Variants in GJB7 observed in about 807,000 individuals in gnomAD.
GJB7 encodes gap junction beta-7 protein.
For missense variants in GJB7, 253 were observed against 256.8 expected (o/e 0.99, Z 0.10); for synonymous variants, 87 against 95.2 (o/e 0.91, Z 0.50).
intron 1 of GJB7, among the ~76,000 whole-genome samples, chr6:87,323,318 C>G (rs188940066): frequency 6.6e-6 from 1 of 152,096 alleles, no homozygotes; most frequent in African/African-American, 2.4e-5. Flanking sequence ...TACATGTGCA[C>G]AATGTGCAGG....
At chr6:87,314,689 A>T (rs547306918) in intron 2 of GJB7, among the ~76,000 whole-genome samples, 1 of 152,274 alleles carries the variant, frequency 6.6e-6, no homozygotes, top group East Asian at 1.9e-4. Context: ...TGCATTGGTT[A>T]CTTCACTTCA....
At chr6:87,294,782 C>G (rs1304991320) in intron 2 of GJB7, among the ~76,000 whole-genome samples, 2 of 152,196 alleles carry the variant, frequency 1.3e-5, no homozygotes, top group Non-Finnish European at 2.9e-5. Context: ...CCTGGAGAGG[C>G]AAGGTACGGG....
At chr6:87,297,326 A>G (rs2127901269) in intron 2 of GJB7, among the ~76,000 whole-genome samples, 1 of 152,336 alleles carries the variant, frequency 6.6e-6, no homozygotes, top group South Asian at 2.1e-4. Flanking sequence ...TAACCAAAGG[A>G]GCAGAGATCA....
intron 1 of GJB7, among the ~76,000 whole-genome samples, chr6:87,323,700 G>A (rs2127914037): frequency 6.6e-6 from 1 of 152,118 alleles, no homozygotes; most frequent in East Asian, 1.9e-4. Flanking sequence ...TTGGTTCCAG[G>A]TCTTTGCTAT....
At chr6:87,327,449 G>A (rs1776856443) in intron 1 of GJB7, among the ~76,000 whole-genome samples, 4 of 152,120 alleles carry the variant, frequency 2.6e-5, no homozygotes, top group Middle Eastern at 3.2e-3. Flanking sequence ...GGGCAGGCCT[G>A]CTGGTCACAA....
chr6:87,316,308 C>G (rs1362561582), intron 2 of GJB7, among the ~76,000 whole-genome samples: 2 of 152,210 alleles, frequency 1.3e-5, no homozygotes, highest in Admixed American at 1.3e-4. Flanking sequence ...TTGTCCTGCT[C>G]TAGTCCCCTC....
At chr6:87,303,376 C>G (rs1776366657) in intron 2 of GJB7, among the ~76,000 whole-genome samples, 1 of 152,140 alleles carries the variant, frequency 6.6e-6, no homozygotes, top group Non-Finnish European at 1.5e-5. Flanking sequence ...GGGTTACAAT[C>G]CTAGTCTCTG....
chr6:87,289,486 AT>A (rs1331003858), intron 2 of GJB7, among the ~76,000 whole-genome samples: 8 of 152,142 alleles, frequency 5.3e-5, no homozygotes, highest in Non-Finnish European at 8.8e-5. Context: ...CTGAGTAATA[AT>A]TTTTTTCATG....
At chr6:87,322,288 A>T (rs1486528523) in intron 2 of GJB7, 1 of 152,110 alleles carries the variant, frequency 6.6e-6, no homozygotes, top group Non-Finnish European at 1.5e-5. Context: ...TGAAATAAAC[A>T]TACTTCTAGG....
intron 2 of GJB7, 75 bp from the exon 3 acceptor site, chr6:87,285,014 T>C: frequency 1.1e-6 from 1 of 942,346 alleles, no homozygotes; most frequent in Non-Finnish European, 1.6e-6. Context: ...TGAGGGATTA[T>C]GTAAGATAAA....
chr6:87,301,105 A>T (rs1170176454), intron 2 of GJB7, among the ~76,000 whole-genome samples: 1 of 152,208 alleles, frequency 6.6e-6, no homozygotes, highest in Non-Finnish European at 1.5e-5. Flanking sequence ...AGCATGAGCG[A>T]CAGAGAAGAC....
intron 2 of GJB7, among the ~76,000 whole-genome samples, chr6:87,288,415 T>A (rs1310709668): frequency 6.6e-6 from 1 of 152,212 alleles, no homozygotes; most frequent in East Asian, 1.9e-4. Context: ...TCTGGAAGGT[T>A]ACCATGTCGG....
chr6:87,299,141 GA>G (rs1313648931), intron 2 of GJB7: 10 of 469,290 alleles, frequency 2.1e-5, no homozygotes, highest in African/African-American at 2.0e-4. Flanking sequence ...GAAAGGCTTT[GA>G]AAAGATTAGC....
intron 2 of GJB7, among the ~76,000 whole-genome samples, chr6:87,314,094 A>G: frequency 6.6e-6 from 1 of 152,226 alleles, no homozygotes; most frequent in East Asian, 1.9e-4. Context: ...TTTTATATCT[A>G]CATTAAAGTT....
At chr6:87,323,896 TAA>T (rs1215784358) in intron 1 of GJB7, among the ~76,000 whole-genome samples, 1 of 152,150 alleles carries the variant, frequency 6.6e-6, no homozygotes, top group African/African-American at 2.4e-5. Context: ...ACCAACAGTG[TAA>T]AAGTGTTCCT....
intron 2 of GJB7, among the ~76,000 whole-genome samples, chr6:87,307,653 A>T (rs1776452632): frequency 6.6e-6 from 1 of 152,222 alleles, no homozygotes; most frequent in South Asian, 2.1e-4. Flanking sequence ...CATCAGAGAA[A>T]TACAAATCAA....
chr6:87,316,970 A>G (rs1250437874), intron 2 of GJB7, among the ~76,000 whole-genome samples: 3 of 152,190 alleles, frequency 2.0e-5, no homozygotes, highest in Non-Finnish European at 2.9e-5. Context: ...GGGCTCAGTC[A>G]TCAGCCACAT....
At chr6:87,328,511 G>A (rs1294924967) in intron 1 of GJB7, among the ~76,000 whole-genome samples, 25 of 151,714 alleles carry the variant, frequency 1.6e-4, no homozygotes, top group African/African-American at 7.3e-5. Flanking sequence ...GTACCCGGCC[G>A]TGTGAGGTAT....
chr6:87,305,616 G>C (rs1776412967), intron 2 of GJB7, among the ~76,000 whole-genome samples: 1 of 152,170 alleles, frequency 6.6e-6, no homozygotes, highest in Non-Finnish European at 1.5e-5. Flanking sequence ...GTAATTTATA[G>C]ATTCAATGCC....
Sources: allele counts gnomAD v4.1 joint callset (sites outside exome capture counted in the v4.1 genomes callset), GRCh38; gene constraint gnomAD v4.1.1; transcripts MANE v1.5; gene names NCBI Gene and HGNC (gene_info 2026-07-23, HGNC 2026-07-21).